The following C1orf21 variants were observed in gnomAD, a reference collection of about 807,000 sequenced individuals.
C1orf21 encodes the protein chromosome 1 open reading frame 21.
C1orf21 carries 3 observed loss-of-function variants against 18.7 expected under a neutral mutation model. The ratio of observed to expected loss-of-function variants is 0.16; its 90% CI spans 0.07 to 0.42. The LOEUF is 0.42. C1orf21 is among the 10% of genes least tolerant of loss of function. The pLI is 0.99. For synonymous variants in C1orf21, 41 were observed against 46.4 expected, an observed-to-expected ratio of 0.88 and a Z score of 0.47; for missense variants, 104 against 143.6, an observed-to-expected ratio of 0.72 and a Z score of 1.41.
chr1:184,623,002 T>A lies in C1orf21; in HGVS notation c.*3446T>A, dbSNP rs1220642910. 1.3e-5 allele frequency: 2 copies of A among 152,274 alleles called. No individual in the cohort carries two copies. The highest frequency in any genetic ancestry group is 2.9e-5 in the Non-Finnish European group (2 of 68,080). The allele number at this position is 152,274 out of a possible 1,614,324, so 9.4% of individuals were successfully genotyped here. A position where few individuals can be genotyped will look rare whatever the true frequency, so the allele number is the denominator to read the frequency against. On this transcript the variant is annotated 3_prime_UTR_variant, in exon 6 of 6. Coordinates refer to ENST00000235307, the MANE Select transcript of C1orf21 (RefSeq NM_030806.4). Reference sequence around the variant, plus strand: ...TTATAACTTTATCCTGCTATAACTTTATCCTCTTCCCAGCCTCATCCCTGT... The same window carrying A: ...TTATAACTTTATCCTGCTATAACTTAATCCTCTTCCCAGCCTCATCCCTGT...
At chr1:184,617,166 CT>C (rs1426449735) in intron 5 of C1orf21, among the ~76,000 whole-genome samples, 1 of 152,108 alleles carries the variant, frequency 6.6e-6, no homozygotes, top group Admixed American at 6.5e-5. Context: ...CCATTTAATC[CT>C]GACCATAACC....
intron 1 of C1orf21, among the ~76,000 whole-genome samples, chr1:184,459,161 A>C (rs928814352): frequency 1.5e-4 from 23 of 152,196 alleles, no homozygotes; most frequent in Non-Finnish European, 3.4e-4. Flanking sequence ...GTCAGCCTCT[A>C]CCATCTTTAC....
intron 3 of C1orf21, among the ~76,000 whole-genome samples, chr1:184,579,043 GTTC>G (rs1659235034): frequency 7.0e-6 from 1 of 143,510 alleles, no homozygotes; most frequent in Admixed American, 6.9e-5. Context: ...GCCCTTTAAA[GTTC>G]TTTTTTTTTT....
At chr1:184,520,901 CT>C (rs917051891) in intron 3 of C1orf21, among the ~76,000 whole-genome samples, 4 of 151,650 alleles carry the variant, frequency 2.6e-5, no homozygotes, top group East Asian at 3.9e-4. Context: ...AGAAATATAA[CT>C]TTTTTTTTGA....
intron 1 of C1orf21, among the ~76,000 whole-genome samples, chr1:184,448,503 G>T (rs1464497248): frequency 6.6e-6 from 1 of 152,178 alleles, no homozygotes; most frequent in Non-Finnish European, 1.5e-5. Context: ...GCTTTTAATT[G>T]CCCTGTAATT....
chr1:184,562,857 C>A (rs1346135343), intron 3 of C1orf21, among the ~76,000 whole-genome samples: 1 of 152,148 alleles, frequency 6.6e-6, no homozygotes, highest in South Asian at 2.1e-4. Flanking sequence ...TATATTTGCA[C>A]GTGTGCTTAA....
intron 3 of C1orf21, among the ~76,000 whole-genome samples, chr1:184,531,099 C>A (rs1269828533): frequency 6.6e-6 from 1 of 152,138 alleles, no homozygotes; most frequent in African/African-American, 2.4e-5. Context: ...TGGTTTTAGA[C>A]TTAAAAAAGC....
intron 2 of C1orf21, 74 bp from the exon 3 acceptor site, chr1:184,507,514 G>A: frequency 8.0e-7 from 1 of 1,254,812 alleles, no homozygotes. Context: ...TTACACTATT[G>A]GGATTTTCTG....
At chr1:184,464,462 C>T (rs1366826209) in intron 1 of C1orf21, among the ~76,000 whole-genome samples, 1 of 152,310 alleles carries the variant, frequency 6.6e-6, no homozygotes, top group Admixed American at 6.5e-5. Flanking sequence ...CCACCTGTGG[C>T]AGGTGCAGAA....
chr1:184,398,212 A>G (rs1656093183), intron 1 of C1orf21, among the ~76,000 whole-genome samples: 2 of 152,212 alleles, frequency 1.3e-5, no homozygotes, highest in Non-Finnish European at 2.9e-5. Flanking sequence ...CTCTGTGCCT[A>G]GGTACTGTGC....
At chr1:184,401,953 A>G (rs2101957499) in intron 1 of C1orf21, among the ~76,000 whole-genome samples, 1 of 152,290 alleles carries the variant, frequency 6.6e-6, no homozygotes, top group East Asian at 1.9e-4. Context: ...TATATTTAAC[A>G]TATTTCAATT....
At chr1:184,505,213 G>A (rs752350721) in intron 2 of C1orf21, among the ~76,000 whole-genome samples, 2 of 148,590 alleles carry the variant, frequency 1.3e-5, no homozygotes, top group Non-Finnish European at 3.0e-5. Context: ...GGGCCATCTG[G>A]GTCTTTCAGA....
intron 1 of C1orf21, chr1:184,408,431 T>A (rs1189573762): frequency 6.6e-6 from 1 of 152,236 alleles, no homozygotes; most frequent in Non-Finnish European, 1.5e-5. Context: ...GAATTTATTC[T>A]GCTGCAGCAG....
chr1:184,500,899 C>T (rs1391839948), intron 2 of C1orf21, among the ~76,000 whole-genome samples: 26 of 152,148 alleles, frequency 1.7e-4, no homozygotes, highest in Non-Finnish European at 1.5e-5. Flanking sequence ...CTCATACCCC[C>T]AGCCCCCCGG....
intron 1 of C1orf21, among the ~76,000 whole-genome samples, chr1:184,462,055 G>A (rs1356560026): frequency 6.6e-6 from 1 of 152,298 alleles, no homozygotes; most frequent in South Asian, 2.1e-4. Flanking sequence ...GAGGACATGG[G>A]TCTTTCTTTT....
chr1:184,601,219 T>C (rs997498912), intron 5 of C1orf21, among the ~76,000 whole-genome samples: 5 of 152,188 alleles, frequency 3.3e-5, no homozygotes, highest in South Asian at 4.1e-4. Context: ...GTAATTCTTT[T>C]TTTCTCCCTT....
At chr1:184,465,492 C>T (rs1338698265) in intron 1 of C1orf21, among the ~76,000 whole-genome samples, 1 of 152,082 alleles carries the variant, frequency 6.6e-6, no homozygotes, top group Non-Finnish European at 1.5e-5. Flanking sequence ...AATTTAGATT[C>T]TAAAAATTCT....
At chr1:184,527,417 G>A (rs1457930376) in intron 3 of C1orf21, among the ~76,000 whole-genome samples, 1 of 152,180 alleles carries the variant, frequency 6.6e-6, no homozygotes, top group East Asian at 1.9e-4. Context: ...ACAAATTAGT[G>A]TCTAAATGAC....
intron 5 of C1orf21, among the ~76,000 whole-genome samples, chr1:184,605,699 C>T (rs998852100): frequency 4.6e-5 from 7 of 152,150 alleles, no homozygotes; most frequent in Non-Finnish European, 1.5e-5. Flanking sequence ...CTGTGTGACC[C>T]CAGGTTAAGT....
Sources: allele counts gnomAD v4.1 joint callset (sites outside exome capture counted in the v4.1 genomes callset), GRCh38; gene constraint gnomAD v4.1.1; transcripts MANE v1.5; gene names NCBI Gene and HGNC (gene_info 2026-07-23, HGNC 2026-07-21).